Variants in TMCC1 observed in about 807,000 individuals in gnomAD.
The protein encoded by TMCC1 is transmembrane and coiled-coil domain family 1.
In TMCC1, 15 loss-of-function variants were observed where a neutral mutation model predicts 52.4. The observed-to-expected ratio is 0.29, with a 90% CI of 0.19 to 0.44. The LOEUF is 0.44. Ranked by LOEUF, TMCC1 falls within the 20% of genes least tolerant of loss-of-function variation. TMCC1 has a pLI of 1.00. For synonymous variants in TMCC1, 279 were observed against 301.9 expected, an observed-to-expected ratio of 0.92 and a Z score of 0.79; for missense variants, 503 against 806.0, an observed-to-expected ratio of 0.62 and a Z score of 4.55.
Position 129,651,732 on chromosome 3 carries a change from CCTGCTG to C in TMCC1, c.1705_1710del (p.Gln569_Gln570del). 17 of 1,613,524 alleles carry C rather than the reference CCTGCTG, an allele frequency of 1.1e-5. No individual in the cohort carries two copies. The highest frequency in any genetic ancestry group is 1.4e-5 in the Non-Finnish European group (16 of 1,179,656). On this transcript the variant is annotated inframe_deletion, in exon 7 of 7. Transcript: ENST00000393238. This position sits in a 1 kb window ranked among gnomAD's most constrained non-coding sequence, Gnocchi z 5.1. ...TTCTCCAGCCCTTCTAGCTGCACCA[CCTGCTG>C]CTGCTGCTGCTGCAGCTCCATCTTG...
chr3:129,791,000 T>C (rs2056414384), intron 4 of TMCC1, among the ~76,000 whole-genome samples: 3 of 152,160 alleles, frequency 2.0e-5, no homozygotes, highest in African/African-American at 7.2e-5. Flanking sequence ...GTTACCCAAG[T>C]TACACAAGTT....
intron 4 of TMCC1, among the ~76,000 whole-genome samples, chr3:129,768,074 A>C (rs1297564991): frequency 6.6e-6 from 1 of 152,122 alleles, no homozygotes; most frequent in Non-Finnish European, 1.5e-5. Flanking sequence ...CTGTAGTCTC[A>C]GTTACTTGCA....
intron 2 of TMCC1, among the ~76,000 whole-genome samples, chr3:129,849,735 C>T (rs1328976462): frequency 6.6e-6 from 1 of 151,630 alleles, no homozygotes; most frequent in Non-Finnish European, 1.5e-5. Context: ...CACCGCACTA[C>T]AGCTTGGGCA....
chr3:129,802,579 C>A (rs1228691629), intron 4 of TMCC1, among the ~76,000 whole-genome samples: 1 of 152,184 alleles, frequency 6.6e-6, no homozygotes, highest in Non-Finnish European at 1.5e-5. Flanking sequence ...TGCACTCCAG[C>A]CTGGGTGACA....
At chr3:129,778,630 C>T (rs376369377) in intron 4 of TMCC1, among the ~76,000 whole-genome samples, 40 of 150,518 alleles carry the variant, frequency 2.7e-4, no homozygotes, top group African/African-American at 9.0e-4. Flanking sequence ...TTGTAATCCC[C>T]ACATGTTAGG....
In TMCC1 at chr3:129,703,393, T is replaced by A. The variant is rs370500745; in HGVS notation, c.577-32129A>T. Among the ~76,000 whole-genome samples the A allele has an allele frequency of 8.5e-5, 13 of 152,302 alleles. No homozygotes were observed. In the East Asian group the frequency reaches 1.5e-3, roughly 18 times the overall value. The stretch of plus-strand genomic sequence containing the variant: ...TTTTCTCTTAAAATACAACTACAAC[T>A]ACAGTATTCTGCTGTTTGACATCAT... On this transcript the variant is annotated intron_variant, in intron 4 of 6. Coordinates refer to ENST00000393238, the MANE Select transcript of TMCC1 (RefSeq NM_001017395.5).
chr3:129,857,741 T>TC (rs1291061694), intron 2 of TMCC1, among the ~76,000 whole-genome samples: 2 of 151,750 alleles, frequency 1.3e-5, no homozygotes, highest in East Asian at 3.9e-4. Context: ...TTTTGTATTT[T>TC]TTTAGTAGAG....
intron 4 of TMCC1, among the ~76,000 whole-genome samples, chr3:129,792,179 T>TATATATATACATATATATATATACAC (rs1200950705): frequency 1.3e-3 from 195 of 149,730 alleles, no homozygotes; most frequent in Admixed American, 3.3e-3. Context: ...CAACTGTATA[T>TATATATATACATATATATATATACAC]ATATATATAC....
Position 129,817,363 on chromosome 3 carries a change from C to T in TMCC1, c.576+10440G>A, listed in dbSNP as rs570580418. 4.6e-5 allele frequency among the ~76,000 whole-genome samples: 7 copies of T among 151,258 alleles called. No individual in the cohort carries two copies. In the East Asian group the frequency reaches 9.9e-4, roughly 21 times the overall value. Reference sequence around the variant, plus strand: ...TTTTGGGAGGCTGAGGTGGGAGGATCGCTTGAGCCCAGGAGATCAAGGCTG... The same window carrying T: ...TTTTGGGAGGCTGAGGTGGGAGGATTGCTTGAGCCCAGGAGATCAAGGCTG... On this transcript the variant is annotated intron_variant, in intron 4 of 6. Transcript: ENST00000393238.
intron 4 of TMCC1, among the ~76,000 whole-genome samples, chr3:129,824,087 G>C (rs2058550315): frequency 6.6e-6 from 1 of 152,160 alleles, no homozygotes; most frequent in Admixed American, 6.5e-5. Flanking sequence ...TGTAATCCCA[G>C]CACTTTGAGA....
chr3:129,714,623 G>T (rs1435124405), intron 4 of TMCC1, among the ~76,000 whole-genome samples: 1 of 152,092 alleles, frequency 6.6e-6, no homozygotes, highest in Non-Finnish European at 1.5e-5. Flanking sequence ...GCCCAGAAAA[G>T]ATCTTTTCCT....
intron 4 of TMCC1, among the ~76,000 whole-genome samples, chr3:129,763,394 A>C: frequency 6.7e-6 from 1 of 148,484 alleles, no homozygotes; most frequent in East Asian, 2.0e-4. Context: ...AAAATAAAAA[A>C]AATTAGCCAG....
rs879094777 is a variant in TMCC1 at position 129,651,220 on chromosome 3, A to G, written c.*261T>C. 14 of 458,170 alleles carry G rather than the reference A, an allele frequency of 3.1e-5. No individual in the cohort carries two copies. Among genetic ancestry groups the G allele is most frequent in the South Asian group, 2.6e-4 (9 of 34,930 alleles). The allele number at this position is 458,170 out of a possible 1,614,324, so 28.4% of individuals were successfully genotyped here. A position where few individuals can be genotyped will look rare whatever the true frequency, so the allele number is the denominator to read the frequency against. On this transcript the variant is annotated 3_prime_UTR_variant, in exon 7 of 7. Coordinates refer to ENST00000393238, the MANE Select transcript of TMCC1 (RefSeq NM_001017395.5). This position sits in a 1 kb window ranked among gnomAD's most constrained non-coding sequence, Gnocchi z 5.1. The stretch of plus-strand genomic sequence containing the variant: ...CCAGATTGTTGGTTCATATTAAAGG[A>G]CTGTTTTAAGATTTGCATCCCAAGG...
chr3:129,728,977 T>G (rs1473835025), intron 4 of TMCC1, among the ~76,000 whole-genome samples: 1 of 152,238 alleles, frequency 6.6e-6, no homozygotes, highest in Non-Finnish European at 1.5e-5. Context: ...TTGAAGGACA[T>G]TTGGATGGTT....
chr3:129,754,550 A>G, intron 4 of TMCC1, among the ~76,000 whole-genome samples: 1 of 152,206 alleles, frequency 6.6e-6, no homozygotes, highest in East Asian at 1.9e-4. Flanking sequence ...GAGTCTTAAA[A>G]AAGACCTTCA....
intron 4 of TMCC1, among the ~76,000 whole-genome samples, chr3:129,677,911 T>G (rs2088597805): frequency 6.6e-6 from 1 of 152,248 alleles, no homozygotes; most frequent in Non-Finnish European, 1.5e-5. Flanking sequence ...TCTACTTGCA[T>G]GTCCAACAGT....
At chr3:129,817,815 T>A (rs1323666300) in intron 4 of TMCC1, among the ~76,000 whole-genome samples, 1 of 151,454 alleles carries the variant, frequency 6.6e-6, no homozygotes, top group Non-Finnish European at 1.5e-5. Context: ...ACCCAGCTAA[T>A]TTTTTTTTCT....
chr3:129,779,710 A>C (rs2055357646), intron 4 of TMCC1, among the ~76,000 whole-genome samples: 1 of 152,182 alleles, frequency 6.6e-6, no homozygotes, highest in Non-Finnish European at 1.5e-5. Flanking sequence ...CATCACGCCA[A>C]CATCTACATC....
Position 129,670,939 on chromosome 3 carries a change from T to G in TMCC1, c.902A>C (p.His301Pro). ...TACCTCTCTGAGCTTCCTGTGGTAG[T>G]GCTCAAGTTTCTTTTGCAGCTGGAG... ...TILQLQKKLE[H>P]YHRKLREVEQ... The change falls in exon 5 of 7, where the codon CAC becomes CCC. Residue 301 changes from histidine (H) to proline (P), a missense_variant. Transcript: ENST00000393238. 1 of 1,614,230 alleles carries G rather than the reference T, an allele frequency of 6.2e-7. No individual in the cohort carries two copies. The highest frequency in any genetic ancestry group is 8.5e-7 in the Non-Finnish European group (1 of 1,180,034).
Sources: gnomAD v4.1 joint callset for allele counts (sites outside exome capture counted in the v4.1 genomes callset) on GRCh38, gnomAD v4.1.1 for gene constraint, Gnocchi (gnomAD v3.1) non-coding constraint, MANE v1.5 for transcripts, NCBI Gene and HGNC (gene_info 2026-07-23, HGNC 2026-07-21) for gene names.